The following ACER3 variants were observed in gnomAD, a reference collection of about 807,000 sequenced individuals.
ACER3 encodes the protein alkCDase 3.
In ACER3, 16 loss-of-function variants were observed where a neutral mutation model predicts 48.9. That is an observed-to-expected ratio of 0.33 (90% CI 0.22 to 0.50). The LOEUF is 0.50. Ranked by LOEUF, ACER3 falls within the 20% of genes least tolerant of loss-of-function variation. The probability of loss-of-function intolerance (pLI) is 0.98; values close to 1 mark genes in which losing one functional copy is unlikely to be tolerated. For synonymous variants in ACER3, 109 were observed against 107.8 expected, an observed-to-expected ratio of 1.01 and a Z score of -0.07; for missense variants, 227 against 326.0, an observed-to-expected ratio of 0.70 and a Z score of 2.34.
At chr11:76,977,204 A>G (rs1029076416) in intron 4 of ACER3, among the ~76,000 whole-genome samples, 6 of 152,254 alleles carry the variant, frequency 3.9e-5, no homozygotes, top group African/African-American at 1.4e-4. Flanking sequence ...GCCATTGTCC[A>G]GGTAAACAGT....
intron 1 of ACER3, among the ~76,000 whole-genome samples, chr11:76,881,909 TTCTC>T (rs1002287431): frequency 1.0e-3 from 152 of 152,158 alleles, no homozygotes; most frequent in African/African-American, 3.5e-3. Context: ...TTCTGCTTCA[TTCTC>T]TCTCTCTTCT....
intron 6 of ACER3, among the ~76,000 whole-genome samples, chr11:76,997,729 T>C (rs1428705445): frequency 6.6e-6 from 1 of 152,116 alleles, no homozygotes; most frequent in Non-Finnish European, 1.5e-5. Context: ...TCCCAGCTAC[T>C]TGAGAGGCTG....
At chr11:76,867,316 A>G (rs1476813957) in intron 1 of ACER3, among the ~76,000 whole-genome samples, 3 of 151,908 alleles carry the variant, frequency 2.0e-5, no homozygotes, top group Non-Finnish European at 4.4e-5. Flanking sequence ...TAAAAATACA[A>G]AAATTTGCCA....
chr11:76,945,566 G>A (rs919618329), intron 2 of ACER3, among the ~76,000 whole-genome samples: 2 of 152,094 alleles, frequency 1.3e-5, no homozygotes, highest in Non-Finnish European at 1.5e-5. Context: ...TTGGACACCC[G>A]CTGAGCCAGT....
At chr11:76,964,833 C>G (rs2135078234) in intron 3 of ACER3, among the ~76,000 whole-genome samples, 1 of 151,162 alleles carries the variant, frequency 6.6e-6, no homozygotes, top group East Asian at 1.9e-4. Flanking sequence ...CATCAAAGAC[C>G]AAAGGTAGAT....
chr11:76,898,691 T>C (rs933842818), intron 1 of ACER3, among the ~76,000 whole-genome samples: 7 of 142,196 alleles, frequency 4.9e-5, no homozygotes, highest in African/African-American at 1.8e-4. Context: ...GATGACGAGG[T>C]CAGGAGATCG....
At chr11:76,962,954 G>A (rs1948035519) in intron 3 of ACER3, among the ~76,000 whole-genome samples, 1 of 151,392 alleles carries the variant, frequency 6.6e-6, no homozygotes, top group African/African-American at 2.5e-5. Context: ...GCTGGTCCTT[G>A]GAAAAGCTGC....
intron 1 of ACER3, among the ~76,000 whole-genome samples, chr11:76,861,602 C>A (rs752850977): frequency 6.6e-6 from 1 of 152,206 alleles, no homozygotes; most frequent in Non-Finnish European, 1.5e-5. Context: ...CTCCAGGGAA[C>A]AGTTTCACTA....
chr11:76,988,895 T>C lies in ACER3; in HGVS notation c.403-1644T>C, dbSNP rs192796751. 1.3e-3 allele frequency among the ~76,000 whole-genome samples: 192 copies of C among 152,276 alleles called. 1 individual carries two copies. The highest frequency in any genetic ancestry group is 2.3e-3 in the Non-Finnish European group (154 of 68,018). On this transcript the variant is annotated intron_variant, in intron 5 of 10. Coordinates refer to ENST00000532485, the MANE Select transcript of ACER3 (RefSeq NM_018367.7). Reference sequence around the variant, plus strand: ...TTTGGATCCAGGCTACTTAAAAACTTTGGGACCTTGCAAATTACTTAATCT... The same window carrying C: ...TTTGGATCCAGGCTACTTAAAAACTCTGGGACCTTGCAAATTACTTAATCT...
chr11:76,921,737 T>C (rs1449021832), intron 1 of ACER3, among the ~76,000 whole-genome samples: 2 of 152,172 alleles, frequency 1.3e-5, no homozygotes, highest in Non-Finnish European at 2.9e-5. Context: ...TTATGTCTTA[T>C]ATGTCTTTGT....
chr11:76,903,108 C>T (rs1241273396), intron 1 of ACER3, among the ~76,000 whole-genome samples: 2 of 151,480 alleles, frequency 1.3e-5, no homozygotes, highest in Non-Finnish European at 2.9e-5. Flanking sequence ...TTTATATTTC[C>T]AAGCTACATA....
intron 7 of ACER3, among the ~76,000 whole-genome samples, chr11:77,010,451 G>A (rs1376332184): frequency 2.0e-5 from 3 of 150,122 alleles, no homozygotes; most frequent in Non-Finnish European, 4.4e-5. Context: ...AAAAAGACAT[G>A]GCAGATAGAA....
At chr11:76,925,981 G>A (rs1298058580) in intron 1 of ACER3, among the ~76,000 whole-genome samples, 1 of 151,898 alleles carries the variant, frequency 6.6e-6, no homozygotes, top group East Asian at 1.9e-4. Flanking sequence ...TGCTATTCAT[G>A]TTTGCACTTT....
chr11:76,867,471 A>C (rs1945121836), intron 1 of ACER3, among the ~76,000 whole-genome samples: 1 of 61,026 alleles, frequency 1.6e-5, no homozygotes, highest in Non-Finnish European at 4.5e-5. Context: ...TCTGTCTCAA[A>C]AAAAAAAAAA....
chr11:76,881,145 C>G (rs1419190278), intron 1 of ACER3, among the ~76,000 whole-genome samples: 1 of 151,554 alleles, frequency 6.6e-6, no homozygotes, highest in Non-Finnish European at 1.5e-5. Context: ...GTCCCAGCTG[C>G]TTGGGAGGCT....
In ACER3 at chr11:77,023,547, T is replaced by A. The variant is rs1949503190; in HGVS notation, c.*3220T>A. 4.8e-6 allele frequency: 1 copy of A among 206,782 alleles called. No individual in the cohort carries two copies. The highest frequency in any genetic ancestry group is 2.3e-5 in the African/African-American group (1 of 44,180). The allele number at this position is 206,782 out of a possible 1,614,324, so 12.8% of individuals were successfully genotyped here. ...TTTAGCTACCAACGCCATGTTTACG[T>A]GACAAGAAATTGTTTTGGCCCTGTG... On this transcript the variant is annotated 3_prime_UTR_variant, in exon 11 of 11. Transcript: ENST00000532485.
chr11:76,945,022 GT>G (rs201292652), intron 2 of ACER3, among the ~76,000 whole-genome samples: 8 of 140,158 alleles, frequency 5.7e-5, no homozygotes, highest in African/African-American at 1.6e-4. Context: ...GTATTTTGTT[GT>G]TTTTTTTTCA....
chr11:76,906,932 C>A (rs1946248365), intron 1 of ACER3, among the ~76,000 whole-genome samples: 1 of 152,010 alleles, frequency 6.6e-6, no homozygotes, highest in Non-Finnish European at 1.5e-5. Context: ...AAAATATAAA[C>A]AATGATAAAT....
At chr11:76,869,888 G>T (rs999783416) in intron 1 of ACER3, among the ~76,000 whole-genome samples, 3 of 152,114 alleles carry the variant, frequency 2.0e-5, no homozygotes, top group East Asian at 3.9e-4. Flanking sequence ...TTGAGAAAGG[G>T]TCTCATTCTG....
Sources: gnomAD v4.1 joint callset for allele counts (sites outside exome capture counted in the v4.1 genomes callset) on GRCh38, gnomAD v4.1.1 for gene constraint, MANE v1.5 for transcripts, NCBI Gene and HGNC (gene_info 2026-07-23, HGNC 2026-07-21) for gene names.